Variants in LNPK observed in about 807,000 individuals in gnomAD.
LNPK encodes the protein endoplasmic reticulum junction formation protein lunapark.
Under a neutral mutation model 55.2 loss-of-function variants are expected in LNPK, and 29 were observed. The observed-to-expected ratio is 0.53, with a 90% CI of 0.39 to 0.72. LNPK has a LOEUF of 0.72. LNPK is among the 30% of genes least tolerant of loss of function. LNPK has a pLI of 0.00. For missense variants in LNPK, 467 were observed against 494.8 expected (o/e 0.94, Z 0.53); for synonymous variants, 162 against 168.2 (o/e 0.96, Z 0.29).
chr2:175,956,066 G>C (rs1014195624), intron 8 of LNPK, among the ~76,000 whole-genome samples: 2 of 152,126 alleles, frequency 1.3e-5, no homozygotes, highest in African/African-American at 4.8e-5. Flanking sequence ...GATCGCTTGA[G>C]CCCAGGAGTT....
chr2:175,991,942 C>A (rs937419446), intron 4 of LNPK, among the ~76,000 whole-genome samples: 1 of 152,132 alleles, frequency 6.6e-6, no homozygotes, highest in African/African-American at 2.4e-5. Context: ...CTACTCCATG[C>A]CCAGTGCCCT....
chr2:175,963,497 T>C (rs558795750), intron 8 of LNPK, among the ~76,000 whole-genome samples: 14 of 152,132 alleles, frequency 9.2e-5, no homozygotes, highest in African/African-American at 2.7e-4. Flanking sequence ...TAGATGGGAA[T>C]TGAACAATGA....
chr2:175,995,915 C>T lies in LNPK; in HGVS notation c.-62-269G>A, dbSNP rs572637840. 6.8e-4 allele frequency among the ~76,000 whole-genome samples: 92 copies of T among 136,068 alleles called. 1 individual carries two copies. The highest frequency in any genetic ancestry group is 2.4e-3 in the African/African-American group (91 of 37,486). The allele number at this position is 136,068 out of a possible 152,430, so 89.3% of individuals were successfully genotyped here. A position where few individuals can be genotyped will look rare whatever the true frequency, so the allele number is the denominator to read the frequency against. On this transcript the variant is annotated intron_variant, in intron 1 of 12. Coordinates refer to ENST00000272748, the MANE Select transcript of LNPK (RefSeq NM_030650.3). ...TGCAACTTCTGCCTCCCGGGTTAAG[C>T]GATTCTTGTGGCTCAGCCTCCTGAG... is the stretch of plus-strand genomic sequence containing the variant.
At position 175,956,468 on chromosome 2, in the gene LNPK, C is replaced by T. The variant is rs142390569; in HGVS notation, c.493+7904G>A. Reference sequence around the variant, plus strand: ...TAACCTCTCAGCTTACCTCCTCCAACTGCAAGATCTATAACCCATTAATTA... The same window carrying T: ...TAACCTCTCAGCTTACCTCCTCCAATTGCAAGATCTATAACCCATTAATTA... On this transcript the variant is annotated intron_variant, in intron 8 of 12. Transcript: ENST00000272748. Among the ~76,000 whole-genome samples, 8 of 152,246 alleles carry T rather than the reference C, an allele frequency of 5.3e-5. No homozygotes were observed. The East Asian group carries it at 1.5e-3, about 29-fold the overall frequency.
intron 9 of LNPK, among the ~76,000 whole-genome samples, chr2:175,947,223 GAAT>G (rs1685175677): frequency 6.6e-6 from 1 of 152,122 alleles, no homozygotes; most frequent in African/African-American, 2.4e-5. Flanking sequence ...GTTGGCTACA[GAAT>G]AATACAAAGT....
At chr2:175,969,785 T>C (rs937037845) in intron 6 of LNPK, among the ~76,000 whole-genome samples, 4 of 152,196 alleles carry the variant, frequency 2.6e-5, no homozygotes, top group South Asian at 4.1e-4. Flanking sequence ...ACCACCAAAA[T>C]TGCCAATGCA....
Position 175,995,733 on chromosome 2 carries a change from T to C in LNPK, c.-62-87A>G, listed in dbSNP as rs543887101. The C allele has an allele frequency of 1.4e-3, 655 of 471,642 alleles. 1 individual carries two copies. Among genetic ancestry groups the C allele is most frequent in the Non-Finnish European group, 2.2e-3 (568 of 262,358 alleles). 29.2% of individuals were successfully genotyped at this position (471,642 alleles called of 1,614,324 possible). On this transcript the variant is annotated intron_variant, in intron 1 of 12. Transcript: ENST00000272748. ...TTGCAATACTGCCTAAAAAATGTTATGAAATATTAATTTATTTGGATGCCA... is the reference window on the plus strand; with the variant it reads ...TTGCAATACTGCCTAAAAAATGTTACGAAATATTAATTTATTTGGATGCCA...
chr2:175,976,795 G>A (rs1276274742), intron 5 of LNPK, among the ~76,000 whole-genome samples: 1 of 152,128 alleles, frequency 6.6e-6, no homozygotes, highest in Non-Finnish European at 1.5e-5. Context: ...TGGTTCTCAG[G>A]CCTTCAGACT....
At chr2:175,959,084 C>T (rs886335380) in intron 8 of LNPK, among the ~76,000 whole-genome samples, 3 of 152,272 alleles carry the variant, frequency 2.0e-5, no homozygotes, top group African/African-American at 4.8e-5. Flanking sequence ...ACCAAATCTA[C>T]GTTTCATTGG....
chr2:175,997,473 T>C (rs548238836), intron 1 of LNPK, among the ~76,000 whole-genome samples: 128 of 152,168 alleles, frequency 8.4e-4, no homozygotes, highest in Non-Finnish European at 1.6e-3. Context: ...ATTCTCAAAA[T>C]ATACATCATT....
chr2:175,945,459 C>A (rs1327664545), intron 9 of LNPK, among the ~76,000 whole-genome samples: 3 of 148,412 alleles, frequency 2.0e-5, no homozygotes, highest in Non-Finnish European at 1.5e-5. Context: ...GAGCCAAGAT[C>A]CATGACACTG....
rs757041047 is a variant in LNPK at position 175,964,412 on chromosome 2, C to T, written c.453G>A (p.Pro151=). 3.0e-5 allele frequency: 48 copies of T among 1,612,822 alleles called. No individual in the cohort carries two copies. In the East Asian group the frequency reaches 3.1e-4, roughly 10 times the overall value. The change falls in exon 8 of 13, where the codon CCG becomes CCA. Residue 151 remains proline (P), a synonymous_variant. Transcript: ENST00000272748. ...CAGTTACAGCTGCTCCAGCAGATGG[C>T]GGCTCACACTCCTGTCAATTATAAT... ...PDSKKAKECE[P]PSAGAAVTAR... is the part of the protein sequence containing the mutation.
chr2:175,982,264 T>C (rs991859802), intron 4 of LNPK, among the ~76,000 whole-genome samples: 2 of 152,202 alleles, frequency 1.3e-5, no homozygotes, highest in African/African-American at 2.4e-5. Context: ...ATTGCAGAGA[T>C]AGTGGCTAGA....
chr2:175,996,761 T>TA (rs1301795326), intron 1 of LNPK, among the ~76,000 whole-genome samples: 4 of 152,206 alleles, frequency 2.6e-5, no homozygotes, highest in African/African-American at 9.7e-5. Context: ...GCTAGCTCCA[T>TA]AACCACTTCT....
In LNPK at chr2:175,929,557, G is replaced by A. The variant is rs182446928; in HGVS notation, c.*410C>T. On this transcript the variant is annotated 3_prime_UTR_variant, in exon 13 of 13. Transcript: ENST00000272748. ...TCTATCAATTTTTAATAATGAAGTA[G>A]TCAAAATCTTAACCAAGTTTCATTC... 1 of 993,492 alleles carries A rather than the reference G, an allele frequency of 1.0e-6. No individual in the cohort carries two copies. The highest frequency in any genetic ancestry group is 1.2e-6 in the Non-Finnish European group (1 of 834,656). 61.5% of individuals were successfully genotyped at this position (993,492 alleles called of 1,614,324 possible). A position where few individuals can be genotyped will look rare whatever the true frequency, so the allele number is the denominator to read the frequency against.
In LNPK at chr2:175,964,601, A is replaced by C. The variant is rs754335699; in HGVS notation, c.358-12T>G. 6.8e-7 allele frequency: 1 copy of C among 1,462,630 alleles called. No homozygotes were observed. The highest frequency in any genetic ancestry group is 9.6e-7 in the Non-Finnish European group (1 of 1,044,636). 90.6% of individuals were successfully genotyped at this position (1,462,630 alleles called of 1,614,324 possible). A position where few individuals can be genotyped will look rare whatever the true frequency, so the allele number is the denominator to read the frequency against. On this transcript the variant is annotated splice_polypyrimidine_tract_variant and intron_variant, in intron 6 of 12. Coordinates refer to ENST00000272748, the MANE Select transcript of LNPK (RefSeq NM_030650.3). Reference sequence around the variant, plus strand: ...ATGACTTCTTCAAGCTACGAACAAAAATTTCCATAAATTGTCACACTTCAA... The same window carrying C: ...ATGACTTCTTCAAGCTACGAACAAACATTTCCATAAATTGTCACACTTCAA...
In LNPK at chr2:175,957,215, G is replaced by A. The variant is rs575727593; in HGVS notation, c.493+7157C>T. 3.1e-4 allele frequency among the ~76,000 whole-genome samples: 47 copies of A among 151,898 alleles called. No homozygotes were observed. In the South Asian group the frequency reaches 4.2e-3, roughly 13 times the overall value. ...TCTACTAAAACTACAAAAATTAGCC[G>A]GGTGTCATGGCGGGCACCTGTAATC... On this transcript the variant is annotated intron_variant, in intron 8 of 12. Transcript: ENST00000272748.
chr2:175,952,146 T>G (rs1297029067), intron 8 of LNPK, among the ~76,000 whole-genome samples: 2 of 152,004 alleles, frequency 1.3e-5, no homozygotes, highest in Non-Finnish European at 1.5e-5. Flanking sequence ...AATATGAGTG[T>G]TGGCAAAACT....
At chr2:175,930,319 A>ACAC (rs1490647796) in intron 12 of LNPK, 120 bp from the exon 13 acceptor site, 55 of 531,858 alleles carry the variant, frequency 1.0e-4, no homozygotes, top group Non-Finnish European at 1.6e-4. Context: ...CACACACACA[A>ACAC]AGAAACCATA....
Sources: gnomAD v4.1 joint callset for allele counts (sites outside exome capture counted in the v4.1 genomes callset) on GRCh38, gnomAD v4.1.1 for gene constraint, MANE v1.5 for transcripts, NCBI Gene and HGNC (gene_info 2026-07-23, HGNC 2026-07-21) for gene names.